Variants in LPCAT1 observed in about 807,000 individuals in gnomAD.
LPCAT1 encodes 1-acylglycerol-3-phosphate O-acyltransferase.
Under a neutral mutation model 60.9 loss-of-function variants are expected in LPCAT1, and 23 were observed. The observed-to-expected ratio is 0.38, with a 90% CI of 0.27 to 0.53. The LOEUF (loss-of-function observed/expected upper bound fraction) is 0.53, where lower values mean the gene tolerates loss of function less well. Ranked by LOEUF, LPCAT1 falls within the 20% of genes least tolerant of loss-of-function variation. The pLI is 0.82. For missense variants in LPCAT1, 622 were observed against 723.6 expected (o/e 0.86, Z 1.61); for synonymous variants, 340 against 301.1 (o/e 1.13, Z -1.34).
intron 3 of LPCAT1, among the ~76,000 whole-genome samples, chr5:1,494,277 T>C (rs1735695173): frequency 1.3e-5 from 2 of 152,244 alleles, no homozygotes; most frequent in Admixed American, 1.3e-4. Flanking sequence ...TAGCCTGTTA[T>C]GATAGTGAGG....
chr5:1,473,639 G>A (rs1354253968), intron 11 of LPCAT1, among the ~76,000 whole-genome samples: 1 of 152,218 alleles, frequency 6.6e-6, no homozygotes, highest in Non-Finnish European at 1.5e-5. Context: ...GGTGAGCAGG[G>A]GACCCTGCAG....
At chr5:1,466,018 G>C (rs528769432) in intron 13 of LPCAT1, among the ~76,000 whole-genome samples, 4 of 152,306 alleles carry the variant, frequency 2.6e-5, no homozygotes, top group East Asian at 1.9e-4. Context: ...CAGCTCTCTC[G>C]CGTGTCTTCT....
At chr5:1,473,838 T>G in intron 11 of LPCAT1, 119 bp downstream of exon 11, 1 of 1,306,568 alleles carries the variant, frequency 7.7e-7, no homozygotes, top group Non-Finnish European at 1.0e-6. Flanking sequence ...TGATGGGTGG[T>G]TTTCCTTCTC....
Position 1,480,828 on chromosome 5 carries a change from C to G in LPCAT1, c.761+114G>C. The G allele has an allele frequency of 7.8e-7, 1 of 1,288,534 alleles. No homozygotes were observed. The highest frequency in any genetic ancestry group is 1.1e-6 in the Non-Finnish European group (1 of 885,290). 79.8% of individuals were successfully genotyped at this position (1,288,534 alleles called of 1,614,324 possible). Reference sequence around the variant, plus strand: ...ACAATGGGCTGAACCTAACGGCTGTCCCACACCTGCTTTCACAACTGCAAA... The same window carrying G: ...ACAATGGGCTGAACCTAACGGCTGTGCCACACCTGCTTTCACAACTGCAAA... On this transcript the variant is annotated intron_variant, in intron 7 of 13. Transcript: ENST00000283415. This position sits in a 1 kb window ranked among gnomAD's most constrained non-coding sequence, Gnocchi z 6.4.
intron 9 of LPCAT1, among the ~76,000 whole-genome samples, chr5:1,475,361 G>A (rs1435760738): frequency 1.3e-5 from 2 of 152,220 alleles, no homozygotes; most frequent in African/African-American, 4.8e-5. Context: ...GCCCCGCCAC[G>A]TGTGACTCCA....
In LPCAT1 at chr5:1,496,988, G is replaced by A. The variant is rs746118400; in HGVS notation, c.279-2074C>T. 5.9e-5 allele frequency among the ~76,000 whole-genome samples: 9 copies of A among 152,254 alleles called. No individual in the cohort carries two copies. The highest frequency in any genetic ancestry group is 6.8e-3 in the Middle Eastern group (2 of 294). ...TCAGCACCCCCAGGAAATCCACTCCGTCCTACCGCCCTCACACGGACGACA... is the reference window on the plus strand; with the variant it reads ...TCAGCACCCCCAGGAAATCCACTCCATCCTACCGCCCTCACACGGACGACA... On this transcript the variant is annotated intron_variant, in intron 2 of 13. Transcript: ENST00000283415. This position sits in a 1 kb window ranked among gnomAD's most constrained non-coding sequence, Gnocchi z 4.7.
chr5:1,474,820 G>T (rs1734835329), intron 9 of LPCAT1, 135 bp from the exon 10 acceptor site: 1 of 1,162,970 alleles, frequency 8.6e-7, no homozygotes, highest in African/African-American at 1.6e-5. Context: ...GGGCCAGTTG[G>T]TGGGGCAGTC....
rs561053816 is a variant in LPCAT1 at position 1,477,198 on chromosome 5, C to T, written c.899+206G>A. The stretch of plus-strand genomic sequence containing the variant: ...AAGAACCAGTCATGCATCTTCCCAA[C>T]GTCAAAGAGGGTGAAATGCCATCAG... On this transcript the variant is annotated intron_variant, in intron 9 of 13. Transcript: ENST00000283415. The surrounding 1 kb of genome is among the most constrained non-coding windows in gnomAD (Gnocchi z 6.0). Among the ~76,000 whole-genome samples the T allele has an allele frequency of 5.3e-5, 8 of 152,338 alleles. No homozygotes were observed. The highest frequency in any genetic ancestry group is 1.2e-4 in the African/African-American group (5 of 41,576).
chr5:1,520,860 C>CAAAAAAAAAAAAAAAAAAAAA (rs59074953), intron 1 of LPCAT1, among the ~76,000 whole-genome samples: 5 of 82,040 alleles, frequency 6.1e-5, no homozygotes, highest in South Asian at 4.5e-4. Flanking sequence ...GAGACTGTCT[C>CAAAAAAAAAAAAAAAAAAAAA]AAAAAAAAAA....
intron 1 of LPCAT1, among the ~76,000 whole-genome samples, chr5:1,516,803 G>C (rs550715384): frequency 4.7e-4 from 71 of 152,312 alleles, no homozygotes; most frequent in African/African-American, 1.7e-3. Flanking sequence ...CAGGGGACGA[G>C]GGCACAGGGG....
rs1735791000 is a variant in LPCAT1, at chr5:1,496,377, AAAAT to A, written c.279-1467_279-1464del. Among the ~76,000 whole-genome samples, 1 of 151,962 alleles carries A rather than the reference AAAAT, an allele frequency of 6.6e-6. No homozygotes were observed. The highest frequency in any genetic ancestry group is 2.4e-5 in the African/African-American group (1 of 41,348). On this transcript the variant is annotated intron_variant, in intron 2 of 13. Coordinates refer to ENST00000283415, the MANE Select transcript of LPCAT1 (RefSeq NM_024830.5). The surrounding 1 kb of genome is among the most constrained non-coding windows in gnomAD (Gnocchi z 4.7). ...CTCCATCTCAAGAAAACTAAACTAA[AAAAT>A]AAAGATGTACTCTTCTGTGCACATG...
intron 3 of LPCAT1, among the ~76,000 whole-genome samples, chr5:1,490,469 T>C (rs904876536): frequency 1.3e-5 from 2 of 152,102 alleles, no homozygotes; most frequent in Non-Finnish European, 2.9e-5. Flanking sequence ...AAGGAGGCCA[T>C]AGGAGGATGT....
intron 2 of LPCAT1, among the ~76,000 whole-genome samples, chr5:1,498,643 CAT>C (rs1735887884): frequency 6.8e-6 from 1 of 147,494 alleles, no homozygotes; most frequent in South Asian, 2.2e-4. Flanking sequence ...TACACACATA[CAT>C]GTACACAGAG....
Position 1,463,431 on chromosome 5 carries a change from C to G in LPCAT1, c.*220G>C, listed in dbSNP as rs1734188875. 1.8e-6 allele frequency: 1 copy of G among 566,236 alleles called. No individual in the cohort carries two copies. Among genetic ancestry groups the G allele is most frequent in the Non-Finnish European group, 3.0e-6 (1 of 330,572 alleles). The allele number at this position is 566,236 out of a possible 1,614,324, so 35.1% of individuals were successfully genotyped here. On this transcript the variant is annotated 3_prime_UTR_variant, in exon 14 of 14. Transcript: ENST00000283415. ...ACGGGGTCCAGGCCAGGCGGGGGATCCGCGTGCGCGCCCTCCGATTCTCGC... is the reference window on the plus strand; with the variant it reads ...ACGGGGTCCAGGCCAGGCGGGGGATGCGCGTGCGCGCCCTCCGATTCTCGC...
chr5:1,483,888 G>C lies in LPCAT1; in HGVS notation c.668-402C>G, dbSNP rs879846871. Among the ~76,000 whole-genome samples the C allele has an allele frequency of 6.6e-6, 1 of 150,430 alleles. No homozygotes were observed. The highest frequency in any genetic ancestry group is 2.5e-5 in the African/African-American group (1 of 40,624). On this transcript the variant is annotated intron_variant, in intron 5 of 13. Transcript: ENST00000283415. This position sits in a 1 kb window ranked among gnomAD's most constrained non-coding sequence, Gnocchi z 9.2. ...GGGACACTTGCTATTATAACATTGC[G>C]CACGAGCTGGAAGACATCCGTGGAG... is the stretch of plus-strand genomic sequence containing the variant.
chr5:1,516,064 G>C (rs1736497732), intron 1 of LPCAT1, among the ~76,000 whole-genome samples: 1 of 152,274 alleles, frequency 6.6e-6, no homozygotes, highest in African/African-American at 2.4e-5. Context: ...CTGACGTGCA[G>C]CTGTGGACAC....
intron 13 of LPCAT1, among the ~76,000 whole-genome samples, chr5:1,464,789 CGCACACACACAAAACAA>C (rs2126460707): frequency 6.7e-6 from 1 of 150,022 alleles, no homozygotes. Context: ...CACACGTGCG[CGCACACACACAAAACAA>C]GCACACACAC....
At chr5:1,472,769 G>A (rs988549383) in intron 11 of LPCAT1, among the ~76,000 whole-genome samples, 1 of 152,086 alleles carries the variant, frequency 6.6e-6, no homozygotes, top group Non-Finnish European at 1.5e-5. Context: ...GTTTGCAGCT[G>A]CCTCGTAGTA....
chr5:1,474,746 A>G, intron 9 of LPCAT1, 61 bp from the exon 10 acceptor site: 1 of 1,550,500 alleles, frequency 6.4e-7, no homozygotes, highest in Non-Finnish European at 8.8e-7. Context: ...CCACCGCCCC[A>G]CCAGAATAAC....
Sources: allele counts gnomAD v4.1 joint callset (sites outside exome capture counted in the v4.1 genomes callset), GRCh38; gene constraint gnomAD v4.1.1; non-coding constraint Gnocchi (gnomAD v3.1); transcripts MANE v1.5; gene names NCBI Gene and HGNC (gene_info 2026-07-23, HGNC 2026-07-21).